TEX11: variants seen among roughly 807,000 people sequenced by gnomAD.
TEX11 encodes the protein testis-expressed protein 11.
In TEX11, 7 loss-of-function variants were observed where a neutral mutation model predicts 84.4. The ratio of observed to expected loss-of-function variants is 0.08; its 90% CI spans 0.05 to 0.16. The LOEUF (loss-of-function observed/expected upper bound fraction) is 0.16, where lower values mean the gene tolerates loss of function less well. TEX11 is among the 10% of genes least tolerant of loss of function. The pLI is 1.00. For missense variants in TEX11, 551 were observed against 660.5 expected (o/e 0.83, Z 1.82); for synonymous variants, 264 against 222.8 (o/e 1.18, Z -1.64).
chrX:70,683,963 C>T (rs1738230608), intron 13 of TEX11, among the ~76,000 whole-genome samples: 1 of 111,715 alleles, frequency 9.0e-6, no homozygotes, highest in South Asian at 3.8e-4. Flanking sequence ...ATAGGACAGT[C>T]CTTTCAGCAA....
At chrX:70,551,843 A>G (rs1221551598) in intron 28 of TEX11, among the ~76,000 whole-genome samples, 3 of 112,069 alleles carry the variant, frequency 2.7e-5, no homozygotes, top group African/African-American at 9.7e-5. Flanking sequence ...TCACAGAGAA[A>G]GTAATCATCC....
In TEX11 at chrX:70,620,625, A is replaced by C. The variant is rs142506445; in HGVS notation, c.1751+3325T>G. ...GCTCCTCGGTATTAATATTTACCAA[A>C]GGAGCTAAAAAGTTACCTGCACATG... is the stretch of plus-strand genomic sequence containing the variant. On this transcript the variant is annotated intron_variant, in intron 20 of 29. Transcript: ENST00000374333. Among the ~76,000 whole-genome samples the C allele has an allele frequency of 3.2e-3, 359 of 112,517 alleles. 4 individuals carry two copies. Among genetic ancestry groups the C allele is most frequent in the Admixed American group, 0.023 (242 of 10,670 alleles).
intron 2 of TEX11, chrX:70,897,723 G>T (rs868420495): frequency 5.3e-5 from 5 of 94,136 alleles, no homozygotes; most frequent in African/African-American, 1.9e-4. Context: ...AAGAAAGAAA[G>T]AAAGAAAGAA....
chrX:70,740,429 C>T (rs766773455), intron 11 of TEX11, among the ~76,000 whole-genome samples: 1 of 111,168 alleles, frequency 9.0e-6, no homozygotes, highest in South Asian at 3.8e-4. Flanking sequence ...TCCCAAAGTC[C>T]CCACCTTTTT....
At chrX:70,897,156 A>T (rs868543177) in intron 2 of TEX11, among the ~76,000 whole-genome samples, 203 of 24,981 alleles carry the variant, frequency 8.1e-3, no homozygotes, top group African/African-American at 0.013. Context: ...ATTATATATA[A>T]CATATATATT....
At chrX:70,849,582 G>A (rs2091496362) in intron 7 of TEX11, among the ~76,000 whole-genome samples, 1 of 111,606 alleles carries the variant, frequency 9.0e-6, no homozygotes, top group Admixed American at 9.6e-5. Context: ...AGCTTTATTA[G>A]GACAGAGAAA....
At chrX:70,885,071 C>G (rs1444757505) in intron 2 of TEX11, among the ~76,000 whole-genome samples, 1 of 111,030 alleles carries the variant, frequency 9.0e-6, no homozygotes, top group Non-Finnish European at 1.9e-5. Flanking sequence ...GCTCTCCACT[C>G]TGGCTCAGCC....
intron 24 of TEX11, among the ~76,000 whole-genome samples, chrX:70,598,256 C>T (rs1252373515): frequency 1.8e-5 from 2 of 111,977 alleles, no homozygotes; most frequent in Non-Finnish European, 3.8e-5. Context: ...AATAAACACA[C>T]GAAAAGATTC....
At chrX:70,690,904 C>T (rs753723110) in intron 13 of TEX11, among the ~76,000 whole-genome samples, 1 of 110,049 alleles carries the variant, frequency 9.1e-6, no homozygotes, top group East Asian at 2.8e-4. Context: ...AGGCAACTTA[C>T]AGAATGGAAG....
intron 5 of TEX11, among the ~76,000 whole-genome samples, chrX:70,855,061 C>T (rs959703151): frequency 9.1e-6 from 1 of 109,898 alleles, no homozygotes; most frequent in African/African-American, 3.3e-5. Context: ...AAAAAGTATA[C>T]TTTTGAAATA....
intron 10 of TEX11, among the ~76,000 whole-genome samples, chrX:70,742,133 G>A (rs2090737372): frequency 9.0e-6 from 1 of 110,544 alleles, no homozygotes; most frequent in African/African-American, 3.3e-5. Flanking sequence ...TTCAGACCCT[G>A]TTTCAAATAG....
intron 25 of TEX11, among the ~76,000 whole-genome samples, 186 bp downstream of exon 25, chrX:70,591,565 C>T (rs1306520867): frequency 4.5e-5 from 5 of 110,596 alleles, no homozygotes; most frequent in East Asian, 2.8e-4. Flanking sequence ...ATCACATCAC[C>T]GCGCTCCAGC....
At chrX:70,633,097 A>G (rs2089529592) in intron 17 of TEX11, among the ~76,000 whole-genome samples, 1 of 111,796 alleles carries the variant, frequency 8.9e-6, no homozygotes, top group Non-Finnish European at 1.9e-5. Context: ...TGATAGCAAA[A>G]CCAAAAACAT....
intron 2 of TEX11, among the ~76,000 whole-genome samples, chrX:70,884,012 C>T (rs1305764822): frequency 8.9e-6 from 1 of 111,874 alleles, no homozygotes; most frequent in Non-Finnish European, 1.9e-5. Context: ...CAAGATTTTA[C>T]TCCAAGTCAC....
At chrX:70,877,289 C>T (rs1244368354) in intron 3 of TEX11, among the ~76,000 whole-genome samples, 1 of 103,041 alleles carries the variant, frequency 9.7e-6, no homozygotes, top group Non-Finnish European at 1.9e-5. Context: ...GTGTGATTGT[C>T]TTAAAAAAAA....
At chrX:70,520,227 A>T in the TEX11 span, among the ~76,000 whole-genome samples, 4 of 111,047 alleles carry the variant, frequency 3.6e-5, no homozygotes, top group Non-Finnish European at 7.6e-5. Context: ...CAGCTTTTCT[A>T]CTCTGGTTTC....
At chrX:70,540,114 CA>C (rs2088022998) in intron 28 of TEX11, among the ~76,000 whole-genome samples, 1 of 111,563 alleles carries the variant, frequency 9.0e-6, no homozygotes, top group African/African-American at 3.3e-5. Context: ...AGTCTCAGAA[CA>C]AAATATGAAA....
chrX:70,775,904 T>C (rs1472403073), intron 9 of TEX11, among the ~76,000 whole-genome samples: 1 of 109,411 alleles, frequency 9.1e-6, no homozygotes. Flanking sequence ...AATATCATCT[T>C]ACCCCACCCA....
rs552175735 is a variant in TEX11 at position 70,564,004 on chromosome X, G to A, written c.2141-9204C>T. 6.2e-5 allele frequency among the ~76,000 whole-genome samples: 7 copies of A among 112,114 alleles called. No individual in the cohort carries two copies. The South Asian group carries it at 1.1e-3, about 18-fold the overall frequency. On this transcript the variant is annotated intron_variant, in intron 25 of 29. Coordinates refer to ENST00000374333, the MANE Select transcript of TEX11 (RefSeq NM_031276.3). ...AGCACTTTGGGAGGCCGAGGCGGGC[G>A]GATCACCTGAGGTCAGGAGTTCAAG...
Sources: gnomAD v4.1 joint callset for allele counts (sites outside exome capture counted in the v4.1 genomes callset) on GRCh38, gnomAD v4.1.1 for gene constraint, MANE v1.5 for transcripts, NCBI Gene and HGNC (gene_info 2026-07-23, HGNC 2026-07-21) for gene names.